SLCO5A1: variants seen among roughly 807,000 people sequenced by gnomAD.
SLCO5A1 encodes the protein solute carrier organic anion transporter family member 5A1, also known as organic anion transporter polypeptide-related protein 4.
SLCO5A1 carries 39 observed loss-of-function variants against 65.1 expected under a neutral mutation model. That is an observed-to-expected ratio of 0.60 (90% confidence interval 0.46 to 0.78). The LOEUF (loss-of-function observed/expected upper bound fraction) is 0.78. SLCO5A1 is among the 30% of genes least tolerant of loss of function. SLCO5A1 has a pLI of 0.00. For missense variants in SLCO5A1, 1,029 were observed against 1,069.4 expected (o/e 0.96, Z 0.53); for synonymous variants, 438 against 415.7 (o/e 1.05, Z -0.65).
At chr8:69,728,869 T>C (rs1417297440) in intron 5 of SLCO5A1, among the ~76,000 whole-genome samples, 1 of 152,108 alleles carries the variant, frequency 6.6e-6, no homozygotes. Flanking sequence ...TTTTTTTAAT[T>C]AGAAAAAGTC....
chr8:69,734,533 A>G (rs1257127520), intron 5 of SLCO5A1, among the ~76,000 whole-genome samples: 1 of 152,186 alleles, frequency 6.6e-6, no homozygotes, highest in African/African-American at 2.4e-5. Context: ...TTAGATGTGT[A>G]AGCAACTTAA....
chr8:69,813,775 G>A (rs1426534228), intron 2 of SLCO5A1, among the ~76,000 whole-genome samples: 1 of 152,166 alleles, frequency 6.6e-6, no homozygotes, highest in African/African-American at 2.4e-5. Context: ...CACTTAAGAG[G>A]CGACAGGAAT....
At chr8:69,755,719 G>T in intron 3 of SLCO5A1, 78 bp from the exon 4 acceptor site, 1 of 1,356,464 alleles carries the variant, frequency 7.4e-7, no homozygotes, top group Non-Finnish European at 1.0e-6. Context: ...GCAGAAGTTT[G>T]TGGTGAAAAA....
At chr8:69,739,671 T>C (rs1215968061) in intron 4 of SLCO5A1, among the ~76,000 whole-genome samples, 1 of 152,248 alleles carries the variant, frequency 6.6e-6, no homozygotes, top group East Asian at 1.9e-4. Flanking sequence ...CTAAATTTAA[T>C]GTTCTATATT....
intron 5 of SLCO5A1, among the ~76,000 whole-genome samples, chr8:69,715,922 A>C (rs1447875991): frequency 6.6e-6 from 1 of 152,202 alleles, no homozygotes; most frequent in African/African-American, 2.4e-5. Flanking sequence ...CTAAAATTTT[A>C]GAACATTTTC....
chr8:69,817,412 G>A (rs925547761), intron 2 of SLCO5A1, among the ~76,000 whole-genome samples: 2 of 152,080 alleles, frequency 1.3e-5, no homozygotes, highest in Non-Finnish European at 2.9e-5. Flanking sequence ...GCTTGCTTCC[G>A]CCTCTTGGCT....
At chr8:69,688,720 C>T (rs1390102314) in intron 6 of SLCO5A1, among the ~76,000 whole-genome samples, 1 of 152,148 alleles carries the variant, frequency 6.6e-6, no homozygotes, top group East Asian at 1.9e-4. Flanking sequence ...GCCACATTTT[C>T]TTAATCCAGT....
At chr8:69,695,554 CTCTT>C (rs1458606836) in intron 6 of SLCO5A1, among the ~76,000 whole-genome samples, 2 of 151,680 alleles carry the variant, frequency 1.3e-5, no homozygotes, top group African/African-American at 4.8e-5. Context: ...ATTGACTTCT[CTCTT>C]TTTTTTTTTA....
At chr8:69,804,558 C>A (rs529871296) in intron 2 of SLCO5A1, among the ~76,000 whole-genome samples, 1 of 152,166 alleles carries the variant, frequency 6.6e-6, no homozygotes, top group Non-Finnish European at 1.5e-5. Context: ...TCAGGTGATC[C>A]GCCCACCTTG....
At chr8:69,687,811 T>C (rs546620344) in intron 6 of SLCO5A1, among the ~76,000 whole-genome samples, 2 of 151,792 alleles carry the variant, frequency 1.3e-5, no homozygotes, top group East Asian at 3.9e-4. Context: ...CATTATATTG[T>C]TATGTTAATA....
chr8:69,691,509 G>A (rs138884715), intron 6 of SLCO5A1, among the ~76,000 whole-genome samples: 6 of 152,094 alleles, frequency 3.9e-5, no homozygotes, highest in East Asian at 3.9e-4. Flanking sequence ...TTTCCCAATC[G>A]CCCCAGCCTT....
chr8:69,671,708 G>A lies in SLCO5A1; in HGVS notation c.*1161C>T, dbSNP rs1013748010. 2 of 152,078 alleles carry A rather than the reference G, an allele frequency of 1.3e-5. No homozygotes were observed. Among genetic ancestry groups the A allele is most frequent in the African/African-American group, 4.8e-5 (2 of 41,398 alleles). 9.4% of individuals were successfully genotyped at this position (152,078 alleles called of 1,614,324 possible). The stretch of plus-strand genomic sequence containing the variant: ...AACGATTCTATCTCTGATAAAGTAG[G>A]GTTCTTTCGGATGGACTGGTTTATT... On this transcript the variant is annotated 3_prime_UTR_variant, in exon 10 of 10. Coordinates refer to ENST00000260126, the MANE Select transcript of SLCO5A1 (RefSeq NM_030958.3).
In SLCO5A1 at chr8:69,670,885, A is replaced by T. The variant is rs991830359; in HGVS notation, c.*1984T>A. The stretch of plus-strand genomic sequence containing the variant: ...ACACCAAAGGAAAATTTCTCCTTTA[A>T]AGGATCAGAGCTCTCCCATAGAGGG... On this transcript the variant is annotated 3_prime_UTR_variant, in exon 10 of 10. Transcript: ENST00000260126. The T allele has an allele frequency of 2.6e-5, 4 of 152,260 alleles. No individual in the cohort carries two copies. Among genetic ancestry groups the T allele is most frequent in the Non-Finnish European group, 4.4e-5 (3 of 68,054 alleles). The allele number at this position is 152,260 out of a possible 1,614,324, so 9.4% of individuals were successfully genotyped here. A position where few individuals can be genotyped will look rare whatever the true frequency, so the allele number is the denominator to read the frequency against.
At chr8:69,711,130 C>G (rs986521028) in intron 5 of SLCO5A1, among the ~76,000 whole-genome samples, 18 of 152,094 alleles carry the variant, frequency 1.2e-4, no homozygotes, top group African/African-American at 4.3e-4. Context: ...CCAGGCCTCC[C>G]CGCCTGCCCA....
At chr8:69,678,696 A>C (rs1423347677) in intron 8 of SLCO5A1, among the ~76,000 whole-genome samples, 1 of 152,066 alleles carries the variant, frequency 6.6e-6, no homozygotes, top group Non-Finnish European at 1.5e-5. Flanking sequence ...TGGTCCAGGA[A>C]CACCAGTGCC....
At chr8:69,675,164 T>G (rs1321482893) in intron 9 of SLCO5A1, among the ~76,000 whole-genome samples, 1 of 151,658 alleles carries the variant, frequency 6.6e-6, no homozygotes, top group Non-Finnish European at 1.5e-5. Flanking sequence ...TTTAACAAGA[T>G]CTATAAGACT....
chr8:69,692,850 T>C (rs776569505), intron 6 of SLCO5A1, among the ~76,000 whole-genome samples: 21 of 152,292 alleles, frequency 1.4e-4, no homozygotes, highest in Admixed American at 3.3e-4. Context: ...AGAGGCTGTT[T>C]CCCAGTTGAC....
At chr8:69,696,123 A>G (rs963151763) in intron 6 of SLCO5A1, among the ~76,000 whole-genome samples, 1 of 152,216 alleles carries the variant, frequency 6.6e-6, no homozygotes, top group East Asian at 1.9e-4. Flanking sequence ...CAGTTGATTC[A>G]GGATGGGTGA....
At chr8:69,826,697 A>G (rs1455886912) in intron 2 of SLCO5A1, among the ~76,000 whole-genome samples, 1 of 152,192 alleles carries the variant, frequency 6.6e-6, no homozygotes, top group Non-Finnish European at 1.5e-5. Flanking sequence ...TAGTTCAACC[A>G]ACCAATGTAA....
Sources: allele counts gnomAD v4.1 joint callset (sites outside exome capture counted in the v4.1 genomes callset), GRCh38; gene constraint gnomAD v4.1.1; transcripts MANE v1.5; gene names NCBI Gene and HGNC (gene_info 2026-07-23, HGNC 2026-07-21).